The following CALN1 variants were observed in gnomAD, a reference collection of about 807,000 sequenced individuals.
The protein encoded by CALN1 is calneuron 1.
Under a neutral mutation model 30.6 loss-of-function variants are expected in CALN1, and 17 were observed. That is an observed-to-expected ratio of 0.56 (90% CI 0.38 to 0.83). CALN1 has a LOEUF of 0.83. Ranked by LOEUF, CALN1 falls within the 40% of genes least tolerant of loss-of-function variation. The probability of loss-of-function intolerance (pLI) is 0.00; values close to 1 mark genes in which losing one functional copy is unlikely to be tolerated. For missense variants in CALN1, 291 were observed against 354.9 expected (o/e 0.82, Z 1.45); for synonymous variants, 156 against 131.4 (o/e 1.19, Z -1.28).
intron 2 of CALN1, among the ~76,000 whole-genome samples, chr7:72,355,300 C>T (rs919615423): frequency 3.9e-5 from 6 of 152,236 alleles, no homozygotes; most frequent in African/African-American, 7.2e-5. Flanking sequence ...CCAAAGCGGG[C>T]GGACCACTTG....
chr7:71,985,885 T>C (rs1372063483), intron 5 of CALN1, among the ~76,000 whole-genome samples: 1 of 152,034 alleles, frequency 6.6e-6, no homozygotes, highest in African/African-American at 2.4e-5. Context: ...CCACTGTACC[T>C]GGCCAGTAGT....
intron 5 of CALN1, among the ~76,000 whole-genome samples, chr7:71,879,076 C>A (rs1584430864): frequency 1.3e-5 from 2 of 152,136 alleles, no homozygotes; most frequent in East Asian, 1.9e-4. Flanking sequence ...GTAGAAAAAT[C>A]TGCCTGTGTT....
chr7:72,301,613 A>AG (rs1338350281), intron 2 of CALN1, among the ~76,000 whole-genome samples: 3 of 149,608 alleles, frequency 2.0e-5, no homozygotes, highest in Non-Finnish European at 3.0e-5. Context: ...TGTCTCTCAA[A>AG]AAAAAAAAAA....
chr7:72,244,249 G>GTGCCTGGCATATAGCA (rs1175334552), intron 3 of CALN1, among the ~76,000 whole-genome samples: 38 of 152,118 alleles, frequency 2.5e-4, no homozygotes, highest in Non-Finnish European at 4.6e-4. Context: ...CAGATGTTCA[G>GTGCCTGGCATATAGCA]GAAACCTTTA....
At chr7:71,950,396 C>T (rs967915249) in intron 5 of CALN1, among the ~76,000 whole-genome samples, 17 of 152,300 alleles carry the variant, frequency 1.1e-4, no homozygotes, top group African/African-American at 3.1e-4. Flanking sequence ...ATCACTACCA[C>T]GCATTTTTGG....
intron 2 of CALN1, among the ~76,000 whole-genome samples, chr7:72,367,226 C>T (rs1803930972): frequency 6.6e-6 from 1 of 152,152 alleles, no homozygotes; most frequent in Non-Finnish European, 1.5e-5. Flanking sequence ...TGGGGTCACA[C>T]CTGTAATCCA....
chr7:72,010,683 C>T (rs192639214), intron 5 of CALN1, among the ~76,000 whole-genome samples: 2 of 151,588 alleles, frequency 1.3e-5, no homozygotes, highest in South Asian at 2.1e-4. Context: ...TGTGGTGGCG[C>T]GTGTCTGTAA....
At chr7:72,054,381 C>T (rs1007616231) in intron 4 of CALN1, among the ~76,000 whole-genome samples, 28 of 147,192 alleles carry the variant, frequency 1.9e-4, no homozygotes, top group Non-Finnish European at 3.0e-5. Flanking sequence ...TTTCTGTATG[C>T]TTGTTGGCTG....
At chr7:71,849,972 T>A (rs1479173155) in intron 5 of CALN1, among the ~76,000 whole-genome samples, 2 of 152,322 alleles carry the variant, frequency 1.3e-5, no homozygotes, top group South Asian at 4.1e-4. Flanking sequence ...CAATGTCTAT[T>A]AAAGCTGAAA....
chr7:72,231,805 T>C (rs1382799814), intron 3 of CALN1, among the ~76,000 whole-genome samples: 1 of 152,164 alleles, frequency 6.6e-6, no homozygotes, highest in Non-Finnish European at 1.5e-5. Context: ...TACTGTACCA[T>C]GCTGTGGAAT....
intron 5 of CALN1, among the ~76,000 whole-genome samples, chr7:71,981,953 T>C (rs1798420117): frequency 6.6e-6 from 1 of 152,152 alleles, no homozygotes; most frequent in African/African-American, 2.4e-5. Context: ...CTCACTCTTT[T>C]CCTGCAATGG....
At chr7:72,054,458 CAT>C (rs140183098) in intron 4 of CALN1, among the ~76,000 whole-genome samples, 32,797 of 128,860 alleles carry the variant, frequency 0.25, 6,084 homozygotes, top group Middle Eastern at 0.35. Context: ...CATATATATA[CAT>C]ATATATACAT....
chr7:72,352,057 T>C (rs566027848), intron 2 of CALN1, among the ~76,000 whole-genome samples: 6 of 152,152 alleles, frequency 3.9e-5, no homozygotes, highest in Non-Finnish European at 8.8e-5. Flanking sequence ...GGCAGGCAGA[T>C]CACTTGAGGT....
intron 2 of CALN1, among the ~76,000 whole-genome samples, chr7:72,388,497 G>GTTCA (rs1805381103): frequency 6.6e-6 from 1 of 152,088 alleles, no homozygotes; most frequent in Admixed American, 6.6e-5. Context: ...TATCAAAGTG[G>GTTCA]TTCATTAACC....
intron 4 of CALN1, among the ~76,000 whole-genome samples, chr7:72,079,832 G>A (rs1381300979): frequency 1.4e-5 from 2 of 144,006 alleles, no homozygotes; most frequent in African/African-American, 2.6e-5. Context: ...GTGCTGTGGC[G>A]TGATCTCGGC....
chr7:72,328,676 T>C (rs752554372), intron 2 of CALN1, among the ~76,000 whole-genome samples: 8 of 152,204 alleles, frequency 5.3e-5, no homozygotes, highest in Non-Finnish European at 1.2e-4. Context: ...ATTCAAGGCA[T>C]TGGTGATCAT....
At chr7:71,921,105 C>G (rs1794922270) in intron 5 of CALN1, among the ~76,000 whole-genome samples, 1 of 152,144 alleles carries the variant, frequency 6.6e-6, no homozygotes, top group South Asian at 2.1e-4. Flanking sequence ...AACACAAGAA[C>G]AGAAGACCAA....
At chr7:71,958,051 G>C (rs1226607432) in intron 5 of CALN1, among the ~76,000 whole-genome samples, 2 of 111,762 alleles carry the variant, frequency 1.8e-5, no homozygotes, top group Non-Finnish European at 3.4e-5. Context: ...GGTGACAAGA[G>C]TGAAACTCCA....
intron 2 of CALN1, among the ~76,000 whole-genome samples, chr7:72,366,991 A>G (rs1442910259): frequency 1.3e-5 from 2 of 152,232 alleles, no homozygotes; most frequent in Admixed American, 1.3e-4. Flanking sequence ...AATATACCAC[A>G]ACAATAGTGA....
Sources: allele counts gnomAD v4.1 joint callset (sites outside exome capture counted in the v4.1 genomes callset), GRCh38; gene constraint gnomAD v4.1.1; transcripts MANE v1.5; gene names NCBI Gene and HGNC (gene_info 2026-07-23, HGNC 2026-07-21).